ADGRL3: variants seen among roughly 807,000 people sequenced by gnomAD.
The protein encoded by ADGRL3 is calcium-independent alpha-latrotoxin receptor 3.
Under a neutral mutation model 153.5 loss-of-function variants are expected in ADGRL3, and 62 were observed. The observed-to-expected ratio is 0.40, with a 90% CI of 0.33 to 0.50. The LOEUF is 0.50. Among genes scored for constraint, ADGRL3 ranks in the 20% least tolerant of loss-of-function variants. ADGRL3 has a pLI of 0.47. For synonymous variants in ADGRL3, 710 were observed against 672.5 expected, an observed-to-expected ratio of 1.06 and a Z score of -0.86; for missense variants, 1,641 against 1,859.4, an observed-to-expected ratio of 0.88 and a Z score of 2.16.
At chr4:61,376,262 G>T (rs2096601144) in intron 1 of ADGRL3, among the ~76,000 whole-genome samples, 1 of 152,072 alleles carries the variant, frequency 6.6e-6, no homozygotes, top group Admixed American at 6.6e-5. Flanking sequence ...TATTATAAAT[G>T]AGAGAAGCTT....
At chr4:61,247,266 C>G (rs1174587142) in intron 1 of ADGRL3, among the ~76,000 whole-genome samples, 2 of 151,930 alleles carry the variant, frequency 1.3e-5, no homozygotes, top group Non-Finnish European at 2.9e-5. Context: ...ACATAAAGAG[C>G]CTTCATTGCA....
rs189085856 is a variant in ADGRL3 at position 61,706,091 on chromosome 4, T to C, written c.584-24531T>C. ...TTGAAGCCAGTTGTTTTCTCCTATC[T>C]AGCTAGGAAAGTCCTAGATGGTATC... On this transcript the variant is annotated intron_variant, in intron 6 of 26. Transcript: ENST00000683033. Among the ~76,000 whole-genome samples, 239 of 152,258 alleles carry C rather than the reference T, an allele frequency of 1.6e-3. 2 individuals are homozygous for C. In the South Asian group the frequency reaches 0.018, roughly 11 times the overall value.
At chr4:61,513,123 T>A (rs2098472370) in intron 3 of ADGRL3, among the ~76,000 whole-genome samples, 1 of 152,120 alleles carries the variant, frequency 6.6e-6, no homozygotes, top group African/African-American at 2.4e-5. Flanking sequence ...ATTGTTTTGT[T>A]TAGAGTCCCA....
In ADGRL3 at chr4:61,939,745, G is replaced by C. The variant is rs548290322; in HGVS notation, c.2419+3700G>C. On this transcript the variant is annotated intron_variant, in intron 15 of 26. Transcript: ENST00000683033. ...AGCCTCCCAAAGTGCTGGGATTACA[G>C]GCATGAGCCACCACACCCGGCCAAA... Among the ~76,000 whole-genome samples, 27 of 151,970 alleles carry C rather than the reference G, an allele frequency of 1.8e-4. No homozygotes were observed. The East Asian group carries it at 5.1e-3, about 28-fold the overall frequency.
intron 6 of ADGRL3, among the ~76,000 whole-genome samples, chr4:61,693,929 T>A (rs1160878728): frequency 1.3e-5 from 2 of 152,280 alleles, no homozygotes; most frequent in East Asian, 3.9e-4. Context: ...TTCTGAATGC[T>A]AAAAGTATGA....
intron 4 of ADGRL3, among the ~76,000 whole-genome samples, chr4:61,555,202 CAA>C (rs1354283651): frequency 2.0e-5 from 3 of 152,088 alleles, no homozygotes; most frequent in Non-Finnish European, 4.4e-5. Flanking sequence ...GCCTTCAGCT[CAA>C]AATAATCCTT....
At chr4:61,945,657 G>T (rs1272075603) in intron 15 of ADGRL3, among the ~76,000 whole-genome samples, 3 of 143,806 alleles carry the variant, frequency 2.1e-5, no homozygotes, top group Non-Finnish European at 4.5e-5. Context: ...TTCTTAAGCC[G>T]GTCTGAAAAG....
chr4:61,983,547 A>C lies in ADGRL3; in HGVS notation c.3180A>C (p.Ala1060=). 1 of 1,613,940 alleles carries C rather than the reference A, an allele frequency of 6.2e-7. No homozygotes were observed. The highest frequency in any genetic ancestry group is 1.1e-5 in the South Asian group (1 of 91,086). ...YFYLVGYGMP[A]LIVAVSAAVD... is the part of the protein sequence containing the mutation. ...ATCTGGTCGGCTATGGGATGCCTGC[A>C]CTCATTGTGGCTGTGTCAGCTGCAG... Residue 1060 remains alanine, a synonymous_variant, in exon 19 of 27, where the codon GCA becomes GCC. Coordinates refer to ENST00000683033, the MANE Select transcript of ADGRL3 (RefSeq NM_001387552.1).
At chr4:61,810,474 G>A (rs1160183670) in intron 8 of ADGRL3, among the ~76,000 whole-genome samples, 7 of 152,116 alleles carry the variant, frequency 4.6e-5, no homozygotes. Context: ...TCTATGCTCA[G>A]ATGTACAGGG....
intron 2 of ADGRL3, among the ~76,000 whole-genome samples, chr4:61,386,537 C>T (rs2096738291): frequency 1.3e-5 from 2 of 152,126 alleles, no homozygotes; most frequent in Admixed American, 1.3e-4. Flanking sequence ...CATGGTCAAT[C>T]TAGCAATTTA....
chr4:61,916,621 C>T (rs1476054669), intron 13 of ADGRL3, among the ~76,000 whole-genome samples: 1 of 152,178 alleles, frequency 6.6e-6, no homozygotes, highest in African/African-American at 2.4e-5. Flanking sequence ...TCTCTCCTGA[C>T]ATGTGTCCTA....
intron 19 of ADGRL3, among the ~76,000 whole-genome samples, chr4:61,992,563 G>A (rs945523150): frequency 6.6e-6 from 1 of 152,146 alleles, no homozygotes; most frequent in African/African-American, 2.4e-5. Flanking sequence ...AATTAGAAAA[G>A]GGATTCTTGC....
intron 1 of ADGRL3, among the ~76,000 whole-genome samples, chr4:61,311,029 C>T (rs914838649): frequency 3.3e-5 from 5 of 150,466 alleles, no homozygotes; most frequent in Non-Finnish European, 7.4e-5. Flanking sequence ...TACTTTGTGC[C>T]AAATTTCAAC....
chr4:61,505,478 C>CA (rs745527242), intron 3 of ADGRL3, among the ~76,000 whole-genome samples: 11 of 152,022 alleles, frequency 7.2e-5, no homozygotes, highest in Admixed American at 1.3e-4. Context: ...GTATACAAAA[C>CA]AGCAAGGCAA....
intron 17 of ADGRL3, among the ~76,000 whole-genome samples, chr4:61,949,655 A>G (rs1207026526): frequency 6.6e-6 from 1 of 152,152 alleles, no homozygotes; most frequent in Non-Finnish European, 1.5e-5. Flanking sequence ...AGATCGCACC[A>G]GTGCACTCCA....
rs544199575 is a variant in ADGRL3 at position 61,570,938 on chromosome 4, G to C, written c.260-16289G>C. Reference sequence around the variant, plus strand: ...TTTATTTCAGTTTAAGCCAAATGAAGAAGCGGGTAAGCATGGAAATAACCG... The same window carrying C: ...TTTATTTCAGTTTAAGCCAAATGAACAAGCGGGTAAGCATGGAAATAACCG... On this transcript the variant is annotated intron_variant, in intron 4 of 26. Coordinates refer to ENST00000683033, the MANE Select transcript of ADGRL3 (RefSeq NM_001387552.1). 1.4e-4 allele frequency among the ~76,000 whole-genome samples: 21 copies of C among 152,236 alleles called. 1 individual carries two copies. The highest frequency in any genetic ancestry group is 1.4e-3 in the East Asian group (7 of 5,178).
intron 1 of ADGRL3, among the ~76,000 whole-genome samples, chr4:61,371,136 G>T (rs1414723318): frequency 2.7e-5 from 4 of 150,240 alleles, no homozygotes; most frequent in Admixed American, 6.6e-5. Flanking sequence ...CTGCACGTGA[G>T]ATGGGTTTCC....
At chr4:61,653,166 TCTCTCACACACACA>T (rs1428784214) in intron 5 of ADGRL3, among the ~76,000 whole-genome samples, 2 of 135,128 alleles carry the variant, frequency 1.5e-5, no homozygotes, top group African/African-American at 5.8e-5. Context: ...TCTCTCTCTC[TCTCTCACACACACA>T]CACACACACA....
intron 25 of ADGRL3, among the ~76,000 whole-genome samples, chr4:62,062,073 C>G (rs1740509777): frequency 6.6e-6 from 1 of 151,978 alleles, no homozygotes; most frequent in Non-Finnish European, 1.5e-5. Flanking sequence ...ATTTTACATT[C>G]CTACCAATGA....
Sources: allele counts gnomAD v4.1 joint callset (sites outside exome capture counted in the v4.1 genomes callset), GRCh38; gene constraint gnomAD v4.1.1; transcripts MANE v1.5; gene names NCBI Gene and HGNC (gene_info 2026-07-23, HGNC 2026-07-21).